The following TYRO3 variants were observed in gnomAD, a reference collection of about 807,000 sequenced individuals.
TYRO3 encodes the protein tyrosine-protein kinase receptor TYRO3.
In TYRO3, 38 loss-of-function variants were observed where a neutral mutation model predicts 95.2. The observed-to-expected ratio is 0.40, with a 90% CI of 0.31 to 0.52. The LOEUF (loss-of-function observed/expected upper bound fraction) is 0.52, where lower values mean the gene tolerates loss of function less well. Ranked by LOEUF, TYRO3 falls within the 20% of genes least tolerant of loss-of-function variation. The probability of loss-of-function intolerance (pLI) is 0.56; values close to 1 mark genes in which losing one functional copy is unlikely to be tolerated. For synonymous variants in TYRO3, 367 were observed against 432.9 expected, an observed-to-expected ratio of 0.85 and a Z score of 1.89; for missense variants, 812 against 1,116.4, an observed-to-expected ratio of 0.73 and a Z score of 3.89.
Position 41,562,806 on chromosome 15 carries a change from C to G in TYRO3, c.580+88C>G, listed in dbSNP as rs553174598. The G allele has an allele frequency of 3.0e-5, 40 of 1,348,254 alleles. No individual in the cohort carries two copies. In the East Asian group the frequency reaches 9.0e-4, roughly 30 times the overall value. 83.5% of individuals were successfully genotyped at this position (1,348,254 alleles called of 1,614,324 possible). ...CTGGCAGTTTCAGCCACTGAGCTTGCGGTTGTGAGCGTCCAGAGCAAGCCC... is the reference window on the plus strand; with the variant it reads ...CTGGCAGTTTCAGCCACTGAGCTTGGGGTTGTGAGCGTCCAGAGCAAGCCC... On this transcript the variant is annotated intron_variant, in intron 4 of 18. Coordinates refer to ENST00000263798, the MANE Select transcript of TYRO3 (RefSeq NM_006293.4).
At chr15:41,560,192 C>T (rs538214128) in intron 1 of TYRO3, among the ~76,000 whole-genome samples, 7 of 152,154 alleles carry the variant, frequency 4.6e-5, no homozygotes, top group Non-Finnish European at 7.3e-5. Flanking sequence ...ATATCAGCCT[C>T]TCAGGGAAGG....
Position 41,561,499 on chromosome 15 carries a change from C to T in TYRO3, c.309-40C>T, listed in dbSNP as rs148657167. 3.0e-4 allele frequency: 410 copies of T among 1,357,162 alleles called. No individual in the cohort carries two copies. In the East Asian group the frequency reaches 7.2e-3, roughly 24 times the overall value. 84.1% of individuals were successfully genotyped at this position (1,357,162 alleles called of 1,614,324 possible). ...CAAGTTTGCCCAGCAGAGCTGCCGC[C>T]CTTGCCCTCGGAAGCAAGCCTCGTA... is the stretch of plus-strand genomic sequence containing the variant. On this transcript the variant is annotated intron_variant, in intron 2 of 18. Coordinates refer to ENST00000263798, the MANE Select transcript of TYRO3 (RefSeq NM_006293.4).
intron 18 of TYRO3, 57 bp downstream of exon 18, chr15:41,573,872 A>G: frequency 7.3e-7 from 1 of 1,367,752 alleles, no homozygotes; most frequent in Non-Finnish European, 9.9e-7. Context: ...GTTTTGGCTG[A>G]TGGCTGCCAC....
rs776201984 is a variant in TYRO3, at chr15:41,570,091, C to G, written c.1317C>G (p.Ala439=). ...WVPVVLGVLT[A]LVTAAALALI... The stretch of plus-strand genomic sequence containing the variant: ...CTGTGGTCCTTGGTGTGCTAACGGC[C>G]CTGGTGACGGCTGCTGCCCTGGCCC... The change falls in exon 10 of 19, where the codon GCC becomes GCG. Residue 439 remains alanine (A), a synonymous_variant. Coordinates refer to ENST00000263798, the MANE Select transcript of TYRO3 (RefSeq NM_006293.4). 5.6e-6 allele frequency: 9 copies of G among 1,614,056 alleles called. No homozygotes were observed. Among genetic ancestry groups the G allele is most frequent in the Non-Finnish European group, 7.6e-6 (9 of 1,180,046 alleles).
Position 41,580,373 on chromosome 15 carries a change from G to A in TYRO3, c.*2097G>A, listed in dbSNP as rs1403842294. The A allele has an allele frequency of 2.6e-5, 4 of 152,086 alleles. No individual in the cohort carries two copies. The highest frequency in any genetic ancestry group is 7.2e-5 in the African/African-American group (3 of 41,398). 9.4% of individuals were successfully genotyped at this position (152,086 alleles called of 1,614,324 possible). A position where few individuals can be genotyped will look rare whatever the true frequency, so the allele number is the denominator to read the frequency against. ...AAAATACAAAAATTAGCTGGGCATG[G>A]TGGCGCGTGTCTGTAATCCCAGCTA... is the stretch of plus-strand genomic sequence containing the variant. On this transcript the variant is annotated 3_prime_UTR_variant, in exon 19 of 19. Coordinates refer to ENST00000263798, the MANE Select transcript of TYRO3 (RefSeq NM_006293.4).
intron 18 of TYRO3, 37 bp downstream of exon 18, chr15:41,573,852 G>A (rs755266331): frequency 7.4e-7 from 1 of 1,352,298 alleles, no homozygotes; most frequent in South Asian, 1.3e-5. Flanking sequence ...GAAGGAAAGG[G>A]GAATCTGGAG....
At position 41,578,298 on chromosome 15, in the gene TYRO3, G is replaced by A. The variant is rs753354251; in HGVS notation, c.*22G>A. 5 of 1,612,686 alleles carry A rather than the reference G, an allele frequency of 3.1e-6. No individual in the cohort carries two copies. The highest frequency in any genetic ancestry group is 4.2e-6 in the Non-Finnish European group (5 of 1,179,822). ...TTAGCCCACAGGCAGAGGGCATCGG[G>A]GCCATTTGGCCGGCTCTGGTGGCCA... On this transcript the variant is annotated 3_prime_UTR_variant, in exon 19 of 19. Transcript: ENST00000263798.
At position 41,579,393 on chromosome 15, in the gene TYRO3, C is replaced by T. The variant is rs2055899839; in HGVS notation, c.*1117C>T. ...TTTGAGACAGTCTCACTGTGTTGCCCAGGCTGGAGTGCATGGTGTGATCTT... is the reference window on the plus strand; with the variant it reads ...TTTGAGACAGTCTCACTGTGTTGCCTAGGCTGGAGTGCATGGTGTGATCTT... On this transcript the variant is annotated 3_prime_UTR_variant, in exon 19 of 19. Coordinates refer to ENST00000263798, the MANE Select transcript of TYRO3 (RefSeq NM_006293.4). The T allele has an allele frequency of 6.6e-6, 1 of 151,634 alleles. No homozygotes were observed. The allele number at this position is 151,634 out of a possible 1,614,324, so 9.4% of individuals were successfully genotyped here. A position where few individuals can be genotyped will look rare whatever the true frequency, so the allele number is the denominator to read the frequency against.
At chr15:41,561,106 A>T (rs1475055839) in intron 1 of TYRO3, 21 bp from the exon 2 acceptor site, 1 of 1,038,922 alleles carries the variant, frequency 9.6e-7, no homozygotes, top group Non-Finnish European at 1.4e-6. Context: ...AGGCTGACAC[A>T]TGTTCCTTCC....
chr15:41,566,338 A>G (rs1046577568), intron 6 of TYRO3, among the ~76,000 whole-genome samples: 1 of 148,204 alleles, frequency 6.7e-6, no homozygotes, highest in Non-Finnish European at 1.5e-5. Flanking sequence ...AAAAAAAAAA[A>G]AAAAAAAAAA....
Position 41,578,265 on chromosome 15 carries a change from A to G in TYRO3, c.2662A>G (p.Ser888Gly), listed in dbSNP as rs1187382754. The G allele has an allele frequency of 4.3e-6, 7 of 1,613,200 alleles. No homozygotes were observed. Among genetic ancestry groups the G allele is most frequent in the Non-Finnish European group, 5.9e-6 (7 of 1,180,020 alleles). ...LLLQQGLLPH[S>G]SC Reference sequence around the variant, plus strand: ...GCTGCAGCAAGGGCTACTGCCACACAGTAGCTGTTAGCCCACAGGCAGAGG... The same window carrying G: ...GCTGCAGCAAGGGCTACTGCCACACGGTAGCTGTTAGCCCACAGGCAGAGG... Residue 888 changes from serine (S) to glycine (G), a missense_variant, in exon 19 of 19, where the codon AGT becomes GGT. By Grantham distance (56) the Ser-to-Gly change is moderately conservative (BLOSUM62 0). Transcript: ENST00000263798.
At position 41,573,032 on chromosome 15, in the gene TYRO3, A is replaced by C. The variant is rs762122795; in HGVS notation, c.1906A>C (p.Met636Leu). ...ACCCCTCCAGACCCTGATCCGGTTCATGGTGGACATTGCCTGCGGCATGGA... is the reference window on the plus strand; with the variant it reads ...ACCCCTCCAGACCCTGATCCGGTTCCTGGTGGACATTGCCTGCGGCATGGA... ...NLPLQTLIRFMVDIACGMEYL... is the reference protein window; with the variant it reads ...NLPLQTLIRFLVDIACGMEYL... The change falls in exon 16 of 19, where the codon ATG becomes CTG. Residue 636 changes from methionine (M) to leucine (L), a missense_variant. By Grantham distance (15) the Met-to-Leu change is conservative. Transcript: ENST00000263798. 2 of 1,614,176 alleles carry C rather than the reference A, an allele frequency of 1.2e-6. No homozygotes were observed. Among genetic ancestry groups the C allele is most frequent in the South Asian group, 2.2e-5 (2 of 91,086 alleles).
intron 1 of TYRO3, among the ~76,000 whole-genome samples, chr15:41,560,472 C>T (rs953841058): frequency 6.6e-6 from 1 of 150,844 alleles, no homozygotes; most frequent in East Asian, 1.9e-4. Context: ...AAAGAGTGGC[C>T]CCTGTTAATG....
chr15:41,577,851 G>C lies in TYRO3; in HGVS notation c.2283-35G>C, dbSNP rs1053197199. On this transcript the variant is annotated intron_variant, in intron 18 of 18. Transcript: ENST00000263798. ...AGGGGCCCCTGCTTTTGAGGGAAGG[G>C]CTCCTGCCTTTTCTCACGCTTCTCT... is the stretch of plus-strand genomic sequence containing the variant. 5 of 1,383,432 alleles carry C rather than the reference G, an allele frequency of 3.6e-6. No homozygotes were observed. In the East Asian group the frequency reaches 1.2e-4, roughly 32 times the overall value. 85.7% of individuals were successfully genotyped at this position (1,383,432 alleles called of 1,614,324 possible).
intron 1 of TYRO3, 63 bp from the exon 2 acceptor site, chr15:41,561,064 G>T: frequency 7.0e-7 from 1 of 1,432,616 alleles, no homozygotes; most frequent in Non-Finnish European, 9.5e-7. Flanking sequence ...AGAAGAGAAT[G>T]GGAACTGTTT....
intron 8 of TYRO3, 37 bp downstream of exon 8, chr15:41,568,399 A>T: frequency 6.3e-7 from 1 of 1,584,858 alleles, no homozygotes; most frequent in South Asian, 1.1e-5. Flanking sequence ...ACTCTCCTGG[A>T]GTATAAGCCT....
chr15:41,573,158 A>G, intron 16 of TYRO3, 47 bp downstream of exon 16: 2 of 1,393,236 alleles, frequency 1.4e-6, no homozygotes, highest in Non-Finnish European at 2.0e-6. Context: ...AGCAGGTGCC[A>G]AGAGGAGCTA....
chr15:41,559,733 C>T (rs2052139269), intron 1 of TYRO3, among the ~76,000 whole-genome samples: 1 of 152,210 alleles, frequency 6.6e-6, no homozygotes, highest in Non-Finnish European at 1.5e-5. Flanking sequence ...ATTCTGCCTG[C>T]CCCGCACGCG....
Position 41,561,509 on chromosome 15 carries a change from G to A in TYRO3, c.309-30G>A, listed in dbSNP as rs142174674. Reference sequence around the variant, plus strand: ...CAGCAGAGCTGCCGCCCTTGCCCTCGGAAGCAAGCCTCGTATCCTGTTTCC... The same window carrying A: ...CAGCAGAGCTGCCGCCCTTGCCCTCAGAAGCAAGCCTCGTATCCTGTTTCC... On this transcript the variant is annotated intron_variant, in intron 2 of 18. Coordinates refer to ENST00000263798, the MANE Select transcript of TYRO3 (RefSeq NM_006293.4). The A allele has an allele frequency of 5.7e-5, 76 of 1,339,148 alleles. 1 individual carries two copies. In the East Asian group the frequency reaches 6.5e-4, roughly 11 times the overall value. The allele number at this position is 1,339,148 out of a possible 1,614,324, so 83.0% of individuals were successfully genotyped here.
Sources: allele counts gnomAD v4.1 joint callset (sites outside exome capture counted in the v4.1 genomes callset), GRCh38; gene constraint gnomAD v4.1.1; transcripts MANE v1.5; gene names NCBI Gene and HGNC (gene_info 2026-07-23, HGNC 2026-07-21).